LRRC69: variants seen among roughly 807,000 people sequenced by gnomAD.
LRRC69 encodes the protein leucine-rich repeat-containing protein 69.
Under a neutral mutation model 37.8 loss-of-function variants are expected in LRRC69, and 42 were observed. The ratio of observed to expected loss-of-function variants is 1.11; its 90% confidence interval spans 0.87 to 1.44. The LOEUF (loss-of-function observed/expected upper bound fraction) is 1.44. Ranked by LOEUF, LRRC69 falls within the 40% of genes most tolerant of loss-of-function variation. The pLI is 0.00. For missense variants in LRRC69, 357 were observed against 401.9 expected (o/e 0.89, Z 0.96); for synonymous variants, 141 against 143.1 (o/e 0.99, Z 0.11).
chr8:91,191,533 T>A (rs189288118), intron 6 of LRRC69, among the ~76,000 whole-genome samples: 39 of 152,268 alleles, frequency 2.6e-4, no homozygotes, highest in African/African-American at 8.9e-4. Flanking sequence ...GTCAAATAAC[T>A]TATCTGAGGT....
chr8:91,141,102 C>CT (rs1808523854), intron 5 of LRRC69, among the ~76,000 whole-genome samples: 1 of 151,986 alleles, frequency 6.6e-6, no homozygotes, highest in South Asian at 2.1e-4. Flanking sequence ...AATAAAATGT[C>CT]TTTTATTTGT....
chr8:91,148,336 G>C (rs1308790903), intron 5 of LRRC69, among the ~76,000 whole-genome samples: 1 of 150,984 alleles, frequency 6.6e-6, no homozygotes, highest in Non-Finnish European at 1.5e-5. Context: ...TGCAGTGTTT[G>C]GTTTTTTGTC....
chr8:91,134,286 T>C (rs1235606734), intron 4 of LRRC69, among the ~76,000 whole-genome samples: 3 of 151,390 alleles, frequency 2.0e-5, no homozygotes, highest in African/African-American at 7.3e-5. Context: ...AGTCCAACTC[T>C]GAAAGCCTCA....
intron 2 of LRRC69, among the ~76,000 whole-genome samples, chr8:91,125,945 A>G (rs991551338): frequency 6.6e-6 from 1 of 151,906 alleles, no homozygotes; most frequent in Non-Finnish European, 1.5e-5. Context: ...TTTGATACCT[A>G]TAATATATAG....
intron 5 of LRRC69, among the ~76,000 whole-genome samples, chr8:91,145,881 T>C (rs946551862): frequency 6.6e-6 from 1 of 151,880 alleles, no homozygotes; most frequent in African/African-American, 2.4e-5. Flanking sequence ...TTTCATGGGG[T>C]AGACTTTTTG....
At chr8:91,114,489 T>G (rs1000879971) in intron 1 of LRRC69, among the ~76,000 whole-genome samples, 1 of 151,970 alleles carries the variant, frequency 6.6e-6, no homozygotes, top group South Asian at 2.1e-4. Context: ...ATATGTCATG[T>G]GATGCCTAAC....
chr8:91,198,056 A>G (rs1809648583), intron 6 of LRRC69, among the ~76,000 whole-genome samples: 1 of 152,176 alleles, frequency 6.6e-6, no homozygotes, highest in South Asian at 2.1e-4. Context: ...TGATTAAAGT[A>G]CTTGCTGTGT....
intron 6 of LRRC69, among the ~76,000 whole-genome samples, chr8:91,198,499 G>T (rs1162035567): frequency 6.6e-6 from 1 of 151,846 alleles, no homozygotes; most frequent in Non-Finnish European, 1.5e-5. Context: ...TCACTCCTAA[G>T]GATTCATATT....
At chr8:91,175,689 C>T (rs889008707) in intron 5 of LRRC69, among the ~76,000 whole-genome samples, 6 of 151,718 alleles carry the variant, frequency 4.0e-5, no homozygotes, top group Admixed American at 2.6e-4. Context: ...GGTTGCACTT[C>T]GAAAGGGGGG....
At chr8:91,172,360 T>C (rs927464985) in intron 5 of LRRC69, among the ~76,000 whole-genome samples, 6 of 152,076 alleles carry the variant, frequency 3.9e-5, no homozygotes, top group Admixed American at 3.9e-4. Context: ...GAAACTTCTA[T>C]GAGTCAACAT....
At chr8:91,179,935 A>T (rs540867135) in intron 5 of LRRC69, among the ~76,000 whole-genome samples, 1 of 152,206 alleles carries the variant, frequency 6.6e-6, no homozygotes, top group East Asian at 1.9e-4. Context: ...TTCCAACAGA[A>T]TGTTAAGCTT....
chr8:91,180,695 T>C (rs1563616202), intron 5 of LRRC69, among the ~76,000 whole-genome samples: 2 of 152,032 alleles, frequency 1.3e-5, no homozygotes, highest in South Asian at 2.1e-4. Flanking sequence ...CTTCAGAAAA[T>C]AGGAAGATGA....
chr8:91,194,407 G>A (rs1415350688), intron 6 of LRRC69, among the ~76,000 whole-genome samples: 1 of 151,868 alleles, frequency 6.6e-6, no homozygotes, highest in African/African-American at 2.4e-5. Context: ...GATTGGAATA[G>A]TTTCAGAAGG....
At chr8:91,103,649 C>T (rs1813259523) in intron 1 of LRRC69, among the ~76,000 whole-genome samples, 1 of 151,966 alleles carries the variant, frequency 6.6e-6, no homozygotes, top group South Asian at 2.1e-4. Flanking sequence ...AAAAATAAAT[C>T]TGTATTTTCT....
chr8:91,105,378 C>G (rs1417682894), intron 1 of LRRC69, among the ~76,000 whole-genome samples: 1 of 151,732 alleles, frequency 6.6e-6, no homozygotes, highest in Non-Finnish European at 1.5e-5. Context: ...CCATCCGTCT[C>G]ACAGTTGGTA....
intron 6 of LRRC69, among the ~76,000 whole-genome samples, chr8:91,193,781 A>G (rs1194536903): frequency 7.0e-6 from 1 of 143,058 alleles, no homozygotes; most frequent in Non-Finnish European, 1.5e-5. Flanking sequence ...TTATACAATC[A>G]TGTCGTCTGC....
At chr8:91,104,003 C>T (rs1813265069) in intron 1 of LRRC69, among the ~76,000 whole-genome samples, 1 of 151,980 alleles carries the variant, frequency 6.6e-6, no homozygotes. Context: ...CCCTCATCCT[C>T]AATCCCGATC....
intron 5 of LRRC69, among the ~76,000 whole-genome samples, chr8:91,161,041 A>G (rs138089173): frequency 4.7e-4 from 71 of 151,252 alleles, no homozygotes; most frequent in African/African-American, 1.6e-3. Flanking sequence ...TTCTGCCTCT[A>G]TTGGGATGAT....
At chr8:91,119,904 T>C (rs947192735) in intron 1 of LRRC69, among the ~76,000 whole-genome samples, 4 of 151,950 alleles carry the variant, frequency 2.6e-5, no homozygotes, top group Non-Finnish European at 5.9e-5. Context: ...CACTTGTACT[T>C]TGTACCTGTC....
Sources: allele counts gnomAD v4.1 joint callset (sites outside exome capture counted in the v4.1 genomes callset), GRCh38; gene constraint gnomAD v4.1.1; transcripts MANE v1.5; gene names NCBI Gene and HGNC (gene_info 2026-07-23, HGNC 2026-07-21).